The following KIF4A variants were observed in gnomAD, a reference collection of about 807,000 sequenced individuals.
The protein encoded by KIF4A is kinesin family member 4A.
Under a neutral mutation model 105.9 loss-of-function variants are expected in KIF4A, and 7 were observed. That is an observed-to-expected ratio of 0.07 (90% CI 0.04 to 0.12). KIF4A has a LOEUF of 0.12. Ranked by LOEUF, KIF4A falls within the 10% of genes least tolerant of loss-of-function variation. The pLI is 1.00. For synonymous variants in KIF4A, 281 were observed against 331.3 expected (o/e 0.85, Z 1.65); for missense variants, 558 against 929.2 (o/e 0.60, Z 5.19).
intron 15 of KIF4A, chrX:70,362,253 T>A: frequency 2.8e-6 from 1 of 363,426 alleles, no homozygotes; most frequent in Middle Eastern, 5.4e-4. Context: ...GGAGATCTTC[T>A]CATCCACCAC....
chrX:70,396,232 C>T, intron 22 of KIF4A, 183 bp downstream of exon 22: 1 of 372,887 alleles, frequency 2.7e-6, no homozygotes, highest in Non-Finnish European at 4.6e-6. Context: ...CCCTTTGATG[C>T]CTTATGAGGT....
Position 70,334,040 on chromosome X carries a change from C to A in KIF4A, c.1133+351C>A, listed in dbSNP as rs192465424. On this transcript the variant is annotated intron_variant, in intron 10 of 30. Transcript: ENST00000374403. Reference sequence around the variant, plus strand: ...TGTTTTATTGCTCAAATTGTTCCTGCTTTGTCCATTAGGAGCTCCTTCAGG... The same window carrying A: ...TGTTTTATTGCTCAAATTGTTCCTGATTTGTCCATTAGGAGCTCCTTCAGG... 2.7e-3 allele frequency among the ~76,000 whole-genome samples: 307 copies of A among 111,740 alleles called. 3 individuals carry two copies. The highest frequency in any genetic ancestry group is 9.5e-3 in the African/African-American group (291 of 30,692).
intron 7 of KIF4A, among the ~76,000 whole-genome samples, chrX:70,302,741 C>T (rs1223767838): frequency 8.9e-6 from 1 of 111,804 alleles, no homozygotes; most frequent in African/African-American, 3.3e-5. Flanking sequence ...GATGTTGTCA[C>T]ATATAAACCT....
intron 4 of KIF4A, among the ~76,000 whole-genome samples, chrX:70,298,002 G>A (rs2147658574): frequency 9.0e-6 from 1 of 110,956 alleles, no homozygotes; most frequent in African/African-American, 3.3e-5. Flanking sequence ...CAGGCCCGGT[G>A]GTTCACGCCT....
At chrX:70,302,795 A>C (rs2085809605) in intron 7 of KIF4A, among the ~76,000 whole-genome samples, 1 of 111,942 alleles carries the variant, frequency 8.9e-6, no homozygotes, top group African/African-American at 3.2e-5. Context: ...GAATTTGAAA[A>C]GTGATGAAAT....
intron 18 of KIF4A, among the ~76,000 whole-genome samples, chrX:70,385,625 T>C (rs2086214868): frequency 8.9e-6 from 1 of 111,849 alleles, no homozygotes; most frequent in Non-Finnish European, 1.9e-5. Context: ...TTGAATGAAA[T>C]GAATTGTTCT....
chrX:70,362,308 C>T, intron 15 of KIF4A: 1 of 336,193 alleles, frequency 3.0e-6, no homozygotes, highest in South Asian at 3.2e-5. Flanking sequence ...AGCTCTTTCT[C>T]CGTGGGGGTG....
intron 11 of KIF4A, among the ~76,000 whole-genome samples, chrX:70,342,465 A>G (rs1156620329): frequency 8.9e-6 from 1 of 112,131 alleles, no homozygotes; most frequent in Non-Finnish European, 1.9e-5. Context: ...GACTCCTACT[A>G]CCTGCTTGTC....
chrX:70,361,853 G>C (rs951544816), intron 15 of KIF4A, among the ~76,000 whole-genome samples: 1 of 111,928 alleles, frequency 8.9e-6, no homozygotes, highest in African/African-American at 3.2e-5. Context: ...GAGAAGCAAA[G>C]GGCAGGCAGC....
Position 70,402,674 on chromosome X carries a change from C to T in KIF4A, c.2598C>T (p.Ala866=). Residue 866 remains alanine, a synonymous_variant, in exon 23 of 31, where the codon GCC becomes GCT. Transcript: ENST00000374403. ...CCACCATTCTGGAAGCCAAGTGTGC[C>T]CTGAAATATTTGATTGGAGAGGTAA... The part of the protein sequence containing the change: ...NIATILEAKC[A]LKYLIGELVS... 8.3e-7 allele frequency: 1 copy of T among 1,210,103 alleles called. No homozygotes were observed. Among genetic ancestry groups the T allele is most frequent in the Non-Finnish European group, 1.1e-6 (1 of 894,669 alleles).
intron 18 of KIF4A, among the ~76,000 whole-genome samples, chrX:70,384,153 G>C (rs1278301040): frequency 8.9e-6 from 1 of 112,110 alleles, no homozygotes; most frequent in Non-Finnish European, 1.9e-5. Context: ...ATTCCACATT[G>C]ACAAGGATCT....
chrX:70,399,606 AG>A (rs1240145925), intron 22 of KIF4A, among the ~76,000 whole-genome samples: 1 of 109,890 alleles, frequency 9.1e-6, no homozygotes, highest in African/African-American at 3.3e-5. Flanking sequence ...TTCGTAAATG[AG>A]CCATTCAGAT....
intron 7 of KIF4A, among the ~76,000 whole-genome samples, chrX:70,315,187 G>A (rs59058627): frequency 0.036 from 4,044 of 111,306 alleles, 136 homozygotes; most frequent in East Asian, 0.24. Flanking sequence ...GTTCTAACAG[G>A]TTTTGTTAAC....
At chrX:70,386,255 T>C (rs889479865) in intron 18 of KIF4A, among the ~76,000 whole-genome samples, 3 of 111,593 alleles carry the variant, frequency 2.7e-5, no homozygotes, top group African/African-American at 9.8e-5. Context: ...TGGTCTATTT[T>C]TCAGGAGACC....
chrX:70,323,828 A>ATTTATTTG (rs1054174397), intron 7 of KIF4A, among the ~76,000 whole-genome samples: 2 of 105,585 alleles, frequency 1.9e-5, no homozygotes, highest in African/African-American at 6.9e-5. Flanking sequence ...TTATTTATTT[A>ATTTATTTG]TTTATTTATT....
At chrX:70,373,550 ATATATACG>A in intron 15 of KIF4A, among the ~76,000 whole-genome samples, 1 of 42,748 alleles carries the variant, frequency 2.3e-5, no homozygotes, top group Non-Finnish European at 3.8e-5. Context: ...ATATATATAT[ATATATACG>A]TATATATATA....
chrX:70,407,865 C>G (rs2086306792), intron 28 of KIF4A, among the ~76,000 whole-genome samples: 1 of 111,573 alleles, frequency 9.0e-6, no homozygotes, highest in African/African-American at 3.3e-5. Context: ...GTCGGGAGTT[C>G]GAGACCAGCC....
At chrX:70,384,574 A>G (rs1160737934) in intron 18 of KIF4A, among the ~76,000 whole-genome samples, 2 of 109,854 alleles carry the variant, frequency 1.8e-5, no homozygotes, top group African/African-American at 6.6e-5. Flanking sequence ...TACAAAAAAA[A>G]TTAGCCAGGC....
rs1443191388 is a variant in KIF4A at position 70,373,516 on chromosome X, GTGTGTATGTATA to G, written c.1675-633_1675-622del. Among the ~76,000 whole-genome samples the G allele has an allele frequency of 2.8e-4, 3 of 10,700 alleles. 1 individual carries two copies. The highest frequency in any genetic ancestry group is 0.011 in the East Asian group (1 of 89). 9.3% of individuals were successfully genotyped at this position (10,700 alleles called of 115,157 possible). A position where few individuals can be genotyped will look rare whatever the true frequency, so the allele number is the denominator to read the frequency against. ...CTGGGCAACATATATATATACATGTGTGTGTATGTATATATATATATATATATATATATATAT... is the reference window on the plus strand; with the variant it reads ...CTGGGCAACATATATATATACATGTGTATATATATATATATATATATATAT... On this transcript the variant is annotated intron_variant, in intron 15 of 30. Coordinates refer to ENST00000374403, the MANE Select transcript of KIF4A (RefSeq NM_012310.5).
Sources: allele counts gnomAD v4.1 joint callset (sites outside exome capture counted in the v4.1 genomes callset), GRCh38; gene constraint gnomAD v4.1.1; transcripts MANE v1.5; gene names NCBI Gene and HGNC (gene_info 2026-07-23, HGNC 2026-07-21).